ADAM23: variants seen among roughly 807,000 people sequenced by gnomAD.
The protein encoded by ADAM23 is ADAM metallopeptidase domain 23, also known as disintegrin and metalloproteinase domain-containing protein 23.
In ADAM23, 33 loss-of-function variants were observed where a neutral mutation model predicts 120.1. The ratio of observed to expected loss-of-function variants is 0.27; its 90% CI spans 0.21 to 0.37. The LOEUF is 0.37. Among genes scored for constraint, ADAM23 ranks in the 10% least tolerant of loss-of-function variants. The probability of loss-of-function intolerance (pLI) is 1.00; values close to 1 mark genes in which losing one functional copy is unlikely to be tolerated. For synonymous variants in ADAM23, 367 were observed against 375.2 expected (o/e 0.98, Z 0.25); for missense variants, 862 against 1,058.2 (o/e 0.81, Z 2.57).
intron 25 of ADAM23, 102 bp downstream of exon 25, chr2:206,610,102 C>T (rs1364528155): frequency 4.9e-6 from 5 of 1,015,986 alleles, no homozygotes; most frequent in Non-Finnish European, 6.8e-6. Flanking sequence ...TAGGTTCTGT[C>T]AGTCAAACTG....
chr2:206,559,868 C>A, intron 10 of ADAM23, 87 bp from the exon 11 acceptor site: 1 of 1,218,254 alleles, frequency 8.2e-7, no homozygotes, highest in Non-Finnish European at 1.1e-6. Context: ...CCTCCCCCTT[C>A]CTGTCCTTCC....
At chr2:206,513,678 A>G (rs1389485758) in intron 3 of ADAM23, among the ~76,000 whole-genome samples, 1 of 152,238 alleles carries the variant, frequency 6.6e-6, no homozygotes, top group African/African-American at 2.4e-5. Context: ...TGTAGATGAA[A>G]CAGCCTTCCT....
At chr2:206,595,186 A>G (rs989194258) in intron 23 of ADAM23, among the ~76,000 whole-genome samples, 2 of 152,148 alleles carry the variant, frequency 1.3e-5, no homozygotes, top group African/African-American at 4.8e-5. Flanking sequence ...TCTCAACAAC[A>G]ACAACAACAA....
At chr2:206,532,117 A>G (rs1454551735) in intron 4 of ADAM23, among the ~76,000 whole-genome samples, 1 of 152,178 alleles carries the variant, frequency 6.6e-6, no homozygotes, top group Non-Finnish European at 1.5e-5. Context: ...AAGTGAGCAG[A>G]AAAGCTAAAT....
intron 18 of ADAM23, among the ~76,000 whole-genome samples, chr2:206,576,583 T>C (rs1480292976): frequency 1.3e-5 from 2 of 152,044 alleles, no homozygotes; most frequent in African/African-American, 4.8e-5. Flanking sequence ...TTCTTCTTTT[T>C]CTCCTTAAGA....
At chr2:206,596,194 T>A in intron 24 of ADAM23, 32 bp downstream of exon 24, 1 of 1,526,048 alleles carries the variant, frequency 6.6e-7, no homozygotes, top group Non-Finnish European at 9.1e-7. Flanking sequence ...ATTCATGGAA[T>A]ACTGAATTCG....
Position 206,548,583 on chromosome 2 carries a change from C to T in ADAM23, c.867+229C>T, listed in dbSNP as rs139784520. Among the ~76,000 whole-genome samples, 194 of 152,288 alleles carry T rather than the reference C, an allele frequency of 1.3e-3. 1 individual carries two copies. Among genetic ancestry groups the T allele is most frequent in the African/African-American group, 4.5e-3 (186 of 41,542 alleles). On this transcript the variant is annotated intron_variant, in intron 8 of 25. Transcript: ENST00000264377. ...GATTACGGTAGTCTCTGAACCCTGA[C>T]GTCATCTAAAGAACGTGTTGTTTTA...
intron 4 of ADAM23, among the ~76,000 whole-genome samples, chr2:206,532,451 A>G (rs1697083981): frequency 6.6e-6 from 1 of 152,110 alleles, no homozygotes; most frequent in Admixed American, 6.5e-5. Context: ...TAAAACTTAA[A>G]AGGTATTTCA....
At chr2:206,475,179 C>G (rs1305502153) in intron 2 of ADAM23, among the ~76,000 whole-genome samples, 1 of 152,118 alleles carries the variant, frequency 6.6e-6, no homozygotes, top group Non-Finnish European at 1.5e-5. Context: ...ATAGACATGA[C>G]AGTACTTTGA....
chr2:206,587,151 T>C (rs566195091), intron 18 of ADAM23, among the ~76,000 whole-genome samples, 174 bp from the exon 19 acceptor site: 17 of 152,282 alleles, frequency 1.1e-4, no homozygotes, highest in African/African-American at 3.9e-4. Context: ...ACTTACTTAT[T>C]TTACCAATAA....
chr2:206,518,939 T>C (rs548637524), intron 3 of ADAM23, among the ~76,000 whole-genome samples: 26 of 152,328 alleles, frequency 1.7e-4, no homozygotes, highest in Non-Finnish European at 3.4e-4. Flanking sequence ...TAGACGTGTG[T>C]GTTAATAGTC....
intron 5 of ADAM23, 36 bp downstream of exon 5, chr2:206,542,170 C>T (rs377435335): frequency 6.3e-7 from 1 of 1,587,744 alleles, no homozygotes; most frequent in East Asian, 2.2e-5. Flanking sequence ...TATTCATTGA[C>T]CCTTTCCAGT....
chr2:206,540,076 G>A (rs112774377), intron 4 of ADAM23, among the ~76,000 whole-genome samples: 22,289 of 152,166 alleles, frequency 0.15, 1,757 homozygotes, highest in Admixed American at 0.21. Context: ...CAGCTACTCA[G>A]GAGGCTGAAG....
At chr2:206,584,289 G>A (rs985297178) in intron 18 of ADAM23, among the ~76,000 whole-genome samples, 1 of 152,156 alleles carries the variant, frequency 6.6e-6, no homozygotes, top group African/African-American at 2.4e-5. Flanking sequence ...CTCCATGAGG[G>A]TCCTTAGCTT....
chr2:206,613,686 A>ATAAC (rs1698879444), intron 25 of ADAM23, among the ~76,000 whole-genome samples: 1 of 152,094 alleles, frequency 6.6e-6, no homozygotes, highest in Non-Finnish European at 1.5e-5. Context: ...CGACTGTTAG[A>ATAAC]GCTGTTGCTT....
intron 2 of ADAM23, among the ~76,000 whole-genome samples, chr2:206,454,586 G>A (rs1695258065): frequency 6.6e-6 from 1 of 152,178 alleles, no homozygotes; most frequent in South Asian, 2.1e-4. Context: ...AAAAGTTCAA[G>A]TCCAGAGTCT....
chr2:206,459,846 G>A (rs1695378261), intron 2 of ADAM23, among the ~76,000 whole-genome samples: 3 of 152,136 alleles, frequency 2.0e-5, no homozygotes, highest in Admixed American at 2.0e-4. Context: ...ATCATGCCAA[G>A]CCATCAAGTT....
At chr2:206,591,386 C>G (rs1277752091) in intron 21 of ADAM23, among the ~76,000 whole-genome samples, 1 of 152,140 alleles carries the variant, frequency 6.6e-6, no homozygotes, top group Non-Finnish European at 1.5e-5. Context: ...GTTTTCATCC[C>G]TAATGCTTCA....
At chr2:206,609,615 A>G (rs1260743102) in intron 24 of ADAM23, 2 of 319,600 alleles carry the variant, frequency 6.3e-6, no homozygotes, top group East Asian at 9.5e-5. Context: ...GGAAGAGAAG[A>G]AGGATGTGTA....
Sources: allele counts gnomAD v4.1 joint callset (sites outside exome capture counted in the v4.1 genomes callset), GRCh38; gene constraint gnomAD v4.1.1; transcripts MANE v1.5; gene names NCBI Gene and HGNC (gene_info 2026-07-23, HGNC 2026-07-21).